Variants in PDZD2 observed in about 807,000 individuals in gnomAD.
PDZD2 encodes PDZ domain containing 2.
A neutral mutation model predicts 220.7 loss-of-function variants in PDZD2; 90 were observed. The observed-to-expected ratio is 0.41, with a 90% CI of 0.34 to 0.49. PDZD2 has a LOEUF of 0.49. PDZD2 is among the 20% of genes least tolerant of loss of function. The pLI is 0.28. For synonymous variants in PDZD2, 1,375 were observed against 1,450.5 expected (o/e 0.95, Z 1.18); for missense variants, 3,174 against 3,608.5 (o/e 0.88, Z 3.08).
intron 7 of PDZD2, among the ~76,000 whole-genome samples, chr5:32,041,861 A>G (rs1159782453): frequency 6.7e-6 from 1 of 149,548 alleles, no homozygotes; most frequent in Non-Finnish European, 1.5e-5. Context: ...AACAACAACA[A>G]CAACAACAAC....
intron 2 of PDZD2, among the ~76,000 whole-genome samples, chr5:31,875,065 C>T (rs950842519): frequency 3.9e-5 from 6 of 152,116 alleles, no homozygotes; most frequent in East Asian, 1.9e-4. Flanking sequence ...TAATGTATCA[C>T]GTCTTGCTTT....
chr5:32,019,710 C>G (rs769020980), intron 6 of PDZD2, among the ~76,000 whole-genome samples: 5 of 152,296 alleles, frequency 3.3e-5, no homozygotes, highest in Admixed American at 2.6e-4. Context: ...ATGCAATCAA[C>G]TTTATTATCG....
chr5:31,910,507 C>T (rs894201585), intron 2 of PDZD2, among the ~76,000 whole-genome samples: 14 of 151,186 alleles, frequency 9.3e-5, no homozygotes, highest in African/African-American at 3.4e-4. Context: ...TCTCTTGCCT[C>T]AGCCTCCTGA....
Position 31,849,996 on chromosome 5 carries a change from A to AG in PDZD2, c.476+50272_476+50273insG, listed in dbSNP as rs1561507584. 8.7e-3 allele frequency among the ~76,000 whole-genome samples: 214 copies of AG among 24,710 alleles called. 75 individuals are homozygous for AG. The highest frequency in any genetic ancestry group is 0.05 in the African/African-American group (164 of 3,284). The allele number at this position is 24,710 out of a possible 152,430, so 16.2% of individuals were successfully genotyped here. Reference sequence around the variant, plus strand: ...TATATATACATATATATATATACACATATATATATATACACACACACGTAT... The same window carrying AG: ...TATATATACATATATATATATACACAGTATATATATATACACACACACGTAT... On this transcript the variant is annotated intron_variant, in intron 2 of 24. Transcript: ENST00000438447.
At chr5:32,056,155 C>G (rs1739064144) in intron 10 of PDZD2, among the ~76,000 whole-genome samples, 1 of 152,178 alleles carries the variant, frequency 6.6e-6, no homozygotes, top group Non-Finnish European at 1.5e-5. Context: ...ATGGAAACAA[C>G]CTAAAAACAT....
intron 6 of PDZD2, among the ~76,000 whole-genome samples, chr5:32,018,819 C>T (rs4867102): frequency 0.18 from 26,785 of 152,192 alleles, 2,414 homozygotes; most frequent in Admixed American, 0.22. Flanking sequence ...TGCCTTATGT[C>T]GGATTGCCAG....
At chr5:31,757,826 C>T (rs1271705020) in intron 1 of PDZD2, among the ~76,000 whole-genome samples, 3 of 152,220 alleles carry the variant, frequency 2.0e-5, no homozygotes, top group African/African-American at 4.8e-5. Flanking sequence ...GTGAGGTCAA[C>T]ACCAACTCTA....
At chr5:31,716,203 G>A (rs1225712804) in intron 1 of PDZD2, among the ~76,000 whole-genome samples, 1 of 152,132 alleles carries the variant, frequency 6.6e-6, no homozygotes. Context: ...TGCTTGGAAG[G>A]AATGAGTTGT....
At chr5:32,097,194 T>C (rs1743800796) in intron 21 of PDZD2, 85 bp from the exon 22 acceptor site, 15 of 861,602 alleles carry the variant, frequency 1.7e-5, no homozygotes, top group Non-Finnish European at 2.8e-5. Context: ...AGAGCTTCCT[T>C]ACTCCTGGCC....
chr5:32,012,177 T>C (rs1753374002), intron 6 of PDZD2, among the ~76,000 whole-genome samples: 1 of 152,084 alleles, frequency 6.6e-6, no homozygotes, highest in Admixed American at 6.6e-5. Flanking sequence ...AGAGGGCTCA[T>C]CCCTACTGAG....
At chr5:31,994,248 C>T (rs1016305475) in intron 3 of PDZD2, among the ~76,000 whole-genome samples, 8 of 151,772 alleles carry the variant, frequency 5.3e-5, no homozygotes, top group Admixed American at 5.3e-4. Flanking sequence ...CTCTGGTGAT[C>T]CCCCCACCTT....
rs371568589 is a variant in PDZD2 at position 32,050,778 on chromosome 5, G to A, written c.1666-1833G>A. Among the ~76,000 whole-genome samples the A allele has an allele frequency of 1.6e-4, 25 of 152,236 alleles. No individual in the cohort carries two copies. The Middle Eastern group carries it at 0.01, about 62-fold the overall frequency. On this transcript the variant is annotated intron_variant, in intron 8 of 24. Coordinates refer to ENST00000438447, the MANE Select transcript of PDZD2 (RefSeq NM_178140.4). ...CAAGACTGCAGTGAGCTGTGATCACGCCACTGAATTCCAGCCTAGGTGATA... is the reference window on the plus strand; with the variant it reads ...CAAGACTGCAGTGAGCTGTGATCACACCACTGAATTCCAGCCTAGGTGATA...
intron 2 of PDZD2, among the ~76,000 whole-genome samples, chr5:31,910,990 A>G (rs1289481115): frequency 6.6e-6 from 1 of 152,210 alleles, no homozygotes; most frequent in South Asian, 2.1e-4. Context: ...ATTCCCATTG[A>G]TATGAGATAA....
At position 32,088,519 on chromosome 5, in the gene PDZD2, T is replaced by C. The variant is rs1412612642; in HGVS notation, c.5071T>C (p.Ser1691Pro). 1.2e-6 allele frequency: 2 copies of C among 1,614,032 alleles called. No individual in the cohort carries two copies. The highest frequency in any genetic ancestry group is 2.2e-5 in the South Asian group (2 of 91,084). Reference protein sequence around the residue: ...DISTSQNHRPSCAEETTEVTS... With the variant: ...DISTSQNHRPPCAEETTEVTS... ...AAGCACTTCACAGAACCACAGGCCC[T>C]CGTGTGCAGAAGAAACCACAGAAGT... is the stretch of plus-strand genomic sequence containing the variant. Residue 1691 changes from serine to proline, a missense_variant, in exon 20 of 25, where the codon TCG becomes CCG. By Grantham distance (74) the Ser-to-Pro change is moderately conservative (BLOSUM62 -1). Around this residue, in one of 4 missense-constraint regions of PDZD2, gnomAD observed 1,861 missense variants for 2,001.0 expected, o/e 0.93. Transcript: ENST00000438447. The surrounding 1 kb of genome is among the most constrained non-coding windows in gnomAD (Gnocchi z 4.6).
Position 32,090,876 on chromosome 5 carries a change from C to T in PDZD2, c.7428C>T (p.Pro2476=), listed in dbSNP as rs1412996862. The change falls in exon 20 of 25, where the codon CCC becomes CCT. Residue 2476 remains proline, a synonymous_variant. Coordinates refer to ENST00000438447, the MANE Select transcript of PDZD2 (RefSeq NM_178140.4). The surrounding 1 kb of genome is among the most constrained non-coding windows in gnomAD (Gnocchi z 4.3). The part of the protein sequence containing the change: ...KSSVRHTQPS[P]VSRSKLQELR... ...CGGTACGCCACACGCAGCCCTCGCC[C>T]GTGTCCCGCTCCAAGCTCCAGGAGC... is the stretch of plus-strand genomic sequence containing the variant. The T allele has an allele frequency of 4.3e-6, 7 of 1,614,014 alleles. No homozygotes were observed. The highest frequency in any genetic ancestry group is 2.2e-5 in the South Asian group (2 of 91,070).
intron 10 of PDZD2, among the ~76,000 whole-genome samples, chr5:32,054,885 A>G (rs970621048): frequency 6.6e-6 from 1 of 152,202 alleles, no homozygotes; most frequent in African/African-American, 2.4e-5. Flanking sequence ...AGAAACAGAA[A>G]AGTGACACTC....
chr5:32,097,842 GA>G (rs1743866903), intron 22 of PDZD2, among the ~76,000 whole-genome samples: 1 of 152,056 alleles, frequency 6.6e-6, no homozygotes, highest in Admixed American at 6.5e-5. Context: ...GCCCATGTCA[GA>G]CACTAAAAAG....
chr5:31,797,312 A>G, intron 1 of PDZD2, among the ~76,000 whole-genome samples: 1 of 151,892 alleles, frequency 6.6e-6, no homozygotes, highest in Non-Finnish European at 1.5e-5. Flanking sequence ...ACAGGCTGTT[A>G]AAATTGTAAT....
At chr5:31,969,158 A>G (rs1749037972) in intron 2 of PDZD2, among the ~76,000 whole-genome samples, 1 of 152,088 alleles carries the variant, frequency 6.6e-6, no homozygotes, top group African/African-American at 2.4e-5. Flanking sequence ...CTGTCTCTTC[A>G]GGGTAATGGG....
Sources: allele counts gnomAD v4.1 joint callset (sites outside exome capture counted in the v4.1 genomes callset), GRCh38; gene constraint gnomAD v4.1.1; regional missense constraint gnomAD v4.1.1; non-coding constraint Gnocchi (gnomAD v3.1); transcripts MANE v1.5; gene names NCBI Gene and HGNC (gene_info 2026-07-23, HGNC 2026-07-21).